Variants in AGBL4 observed in about 807,000 individuals in gnomAD.
The protein encoded by AGBL4 is AGBL carboxypeptidase 4.
A neutral mutation model predicts 66.4 loss-of-function variants in AGBL4; 58 were observed. The ratio of observed to expected loss-of-function variants is 0.87; its 90% CI spans 0.71 to 1.09. AGBL4 has a LOEUF of 1.09. AGBL4 is among the 50% of genes least tolerant of loss of function. AGBL4 has a pLI of 0.00. For missense variants in AGBL4, 579 were observed against 631.0 expected, an observed-to-expected ratio of 0.92 and a Z score of 0.88; for synonymous variants, 234 against 222.9, an observed-to-expected ratio of 1.05 and a Z score of -0.44.
At chr1:49,169,124 A>G (rs1646685991) in intron 4 of AGBL4, among the ~76,000 whole-genome samples, 1 of 152,160 alleles carries the variant, frequency 6.6e-6, no homozygotes, top group African/African-American at 2.4e-5. Flanking sequence ...TATTAGCATA[A>G]GTTTTTGCCT....
At chr1:49,272,786 T>C (rs1428560972) in intron 3 of AGBL4, among the ~76,000 whole-genome samples, 1 of 151,982 alleles carries the variant, frequency 6.6e-6, no homozygotes, top group East Asian at 1.9e-4. Context: ...TTATATACTG[T>C]CTGTCTGATA....
intron 3 of AGBL4, 129 bp downstream of exon 3, chr1:49,697,184 A>T (rs2124614606): frequency 9.0e-7 from 1 of 1,105,598 alleles, no homozygotes; most frequent in Non-Finnish European, 1.2e-6. Context: ...TTGAACCAAA[A>T]CTGTATCATT....
At chr1:48,932,412 T>C (rs1655108656) in intron 5 of AGBL4, among the ~76,000 whole-genome samples, 1 of 152,134 alleles carries the variant, frequency 6.6e-6, no homozygotes. Flanking sequence ...CTGTTACTCG[T>C]TGAATTTGAA....
intron 1 of AGBL4, among the ~76,000 whole-genome samples, chr1:49,979,227 C>T (rs1314740605): frequency 3.3e-5 from 5 of 150,748 alleles, no homozygotes; most frequent in South Asian, 2.1e-4. Flanking sequence ...TTTGGGAGGC[C>T]GAGGCGGGTG....
At chr1:48,914,250 A>C (rs1184823434) in intron 5 of AGBL4, among the ~76,000 whole-genome samples, 1 of 152,190 alleles carries the variant, frequency 6.6e-6, no homozygotes, top group East Asian at 1.9e-4. Context: ...ATAGAAGGGC[A>C]CTCAGCAGAA....
intron 3 of AGBL4, among the ~76,000 whole-genome samples, chr1:49,269,722 A>G (rs1459675962): frequency 6.6e-6 from 1 of 152,210 alleles, no homozygotes; most frequent in Non-Finnish European, 1.5e-5. Context: ...CCATAAGCTC[A>G]AGGTGGTATA....
chr1:48,976,962 A>C (rs1472727850), intron 5 of AGBL4, among the ~76,000 whole-genome samples: 1 of 152,130 alleles, frequency 6.6e-6, no homozygotes, highest in Admixed American at 6.6e-5. Context: ...TTGTCTCCCC[A>C]TTAGAAAGTA....
At chr1:49,267,679 CA>C (rs899968319) in intron 3 of AGBL4, among the ~76,000 whole-genome samples, 43 of 143,344 alleles carry the variant, frequency 3.0e-4, no homozygotes, top group African/African-American at 5.6e-4. Context: ...GACTCTGTCC[CA>C]AAAAAAAAAG....
At chr1:48,996,374 A>G (rs1258157010) in intron 5 of AGBL4, among the ~76,000 whole-genome samples, 1 of 152,224 alleles carries the variant, frequency 6.6e-6, no homozygotes, top group Non-Finnish European at 1.5e-5. Flanking sequence ...AGAGCAAAGA[A>G]AAGAAGAAAG....
chr1:48,577,011 T>C (rs1644664588), intron 11 of AGBL4, among the ~76,000 whole-genome samples: 1 of 152,240 alleles, frequency 6.6e-6, no homozygotes, highest in African/African-American at 2.4e-5. Context: ...CTCAACATCT[T>C]TGTTCCAATT....
At chr1:48,991,480 T>C (rs1660603211) in intron 5 of AGBL4, among the ~76,000 whole-genome samples, 1 of 152,168 alleles carries the variant, frequency 6.6e-6, no homozygotes, top group Non-Finnish European at 1.5e-5. Context: ...ATATGCTAGG[T>C]GTTTTATAAC....
At chr1:50,013,798 C>T (rs1403041085) in intron 1 of AGBL4, among the ~76,000 whole-genome samples, 1 of 152,110 alleles carries the variant, frequency 6.6e-6, no homozygotes, top group Non-Finnish European at 1.5e-5. Flanking sequence ...TGGAGAAGAT[C>T]TTTAAACATG....
intron 2 of AGBL4, 133 bp downstream of exon 2, chr1:49,851,263 C>A: frequency 1.9e-6 from 2 of 1,039,572 alleles, no homozygotes; most frequent in Non-Finnish European, 1.3e-6. Context: ...AAATTTTTTC[C>A]CATAAAACTT....
intron 2 of AGBL4, among the ~76,000 whole-genome samples, chr1:49,817,248 A>G (rs1465249351): frequency 2.6e-5 from 4 of 152,140 alleles, no homozygotes; most frequent in African/African-American, 9.7e-5. Flanking sequence ...GAAACTAAAA[A>G]CCTTAAAAAG....
chr1:48,890,710 A>G (rs945611485), intron 5 of AGBL4, among the ~76,000 whole-genome samples: 1 of 152,192 alleles, frequency 6.6e-6, no homozygotes, highest in African/African-American at 2.4e-5. Context: ...AGAGAAGGGA[A>G]TGAAGGTTGG....
At chr1:49,929,548 T>G (rs1221972366) in intron 1 of AGBL4, among the ~76,000 whole-genome samples, 2 of 152,030 alleles carry the variant, frequency 1.3e-5, no homozygotes, top group East Asian at 3.9e-4. Flanking sequence ...TACATTTCAA[T>G]AAGCTGTTTA....
At chr1:49,208,304 A>T (rs1430517888) in intron 4 of AGBL4, among the ~76,000 whole-genome samples, 2 of 151,622 alleles carry the variant, frequency 1.3e-5, no homozygotes, top group Non-Finnish European at 2.9e-5. Context: ...CTAAAAATTG[A>T]TTTTTTTTCT....
intron 3 of AGBL4, among the ~76,000 whole-genome samples, chr1:49,441,612 G>A (rs780152125): frequency 3.5e-4 from 53 of 152,112 alleles, no homozygotes; most frequent in Non-Finnish European, 6.8e-4. Flanking sequence ...AGATTTGTGA[G>A]GGCAGCACCT....
intron 5 of AGBL4, among the ~76,000 whole-genome samples, chr1:48,878,276 T>G (rs1416330398): frequency 6.6e-6 from 1 of 152,136 alleles, no homozygotes; most frequent in African/African-American, 2.4e-5. Flanking sequence ...CAGCTCCACA[T>G]AGAACTGTGG....
Sources: allele counts gnomAD v4.1 joint callset (sites outside exome capture counted in the v4.1 genomes callset), GRCh38; gene constraint gnomAD v4.1.1; transcripts MANE v1.5; gene names NCBI Gene and HGNC (gene_info 2026-07-23, HGNC 2026-07-21).